TMOD1: variants seen among roughly 807,000 people sequenced by gnomAD.
The protein encoded by TMOD1 is tropomodulin 1, also known as tropomodulin-1.
In TMOD1, 17 loss-of-function variants were observed where a neutral mutation model predicts 40.6. The ratio of observed to expected loss-of-function variants is 0.42; its 90% CI spans 0.29 to 0.63. TMOD1 has a LOEUF of 0.63. Ranked by LOEUF, TMOD1 falls within the 20% of genes least tolerant of loss-of-function variation. The pLI, the probability that TMOD1 is intolerant of heterozygous loss-of-function variation, is 0.22. For synonymous variants in TMOD1, 181 were observed against 175.0 expected, an observed-to-expected ratio of 1.03 and a Z score of -0.27; for missense variants, 391 against 447.6, an observed-to-expected ratio of 0.87 and a Z score of 1.14.
At chr9:97,548,899 C>T (rs530574334) in intron 3 of TMOD1, among the ~76,000 whole-genome samples, 1 of 152,288 alleles carries the variant, frequency 6.6e-6, no homozygotes, top group South Asian at 2.1e-4. Context: ...GGAGACCCTC[C>T]AGCTCTGACT....
At chr9:97,518,123 T>C (rs1829848052) in intron 1 of TMOD1, among the ~76,000 whole-genome samples, 1 of 152,224 alleles carries the variant, frequency 6.6e-6, no homozygotes, top group South Asian at 2.1e-4. Flanking sequence ...CAGTTCCATG[T>C]TATTATGGGT....
intron 5 of TMOD1, among the ~76,000 whole-genome samples, 190 bp downstream of exon 5, chr9:97,563,011 T>C (rs1207192227): frequency 2.0e-5 from 3 of 152,374 alleles, no homozygotes; most frequent in African/African-American, 7.2e-5. Flanking sequence ...AGAAATGTTC[T>C]CCTATATTTT....
intron 4 of TMOD1, among the ~76,000 whole-genome samples, chr9:97,559,943 G>A (rs561955874): frequency 6.0e-5 from 9 of 150,304 alleles, no homozygotes; most frequent in African/African-American, 2.0e-4. Context: ...AGCCTTGACC[G>A]AGAGCCACTG....
chr9:97,519,287 G>A (rs998075419), intron 1 of TMOD1, among the ~76,000 whole-genome samples: 9 of 152,140 alleles, frequency 5.9e-5, no homozygotes, highest in Admixed American at 1.3e-4. Context: ...CCAACCTGCC[G>A]AGTGCTACTT....
At chr9:97,599,371 C>T (rs570489310) in intron 9 of TMOD1, among the ~76,000 whole-genome samples, 1 of 152,186 alleles carries the variant, frequency 6.6e-6, no homozygotes, top group East Asian at 1.9e-4. Flanking sequence ...AGAAAATAGC[C>T]GACTTATAAC....
At chr9:97,524,497 G>GGTGTGTGTGTGT (rs71369515) in intron 2 of TMOD1, among the ~76,000 whole-genome samples, 189 bp downstream of exon 2, 2,598 of 142,954 alleles carry the variant, frequency 0.018, 110 homozygotes, top group African/African-American at 0.061. Context: ...GAACCAATAG[G>GGTGTGTGTGTGT]GTGTGTGTGT....
At chr9:97,549,197 T>C (rs73550733) in intron 3 of TMOD1, among the ~76,000 whole-genome samples, 1,814 of 152,308 alleles carry the variant, frequency 0.012, 46 homozygotes, top group African/African-American at 0.041. Context: ...ATCGAGGAAT[T>C]TAATTTTCTT....
At chr9:97,544,754 T>A (rs561563494) in intron 2 of TMOD1, among the ~76,000 whole-genome samples, 1 of 152,126 alleles carries the variant, frequency 6.6e-6, no homozygotes, top group Admixed American at 6.5e-5. Flanking sequence ...GGAACGGTAA[T>A]CCCAGCACTT....
chr9:97,593,277 G>A (rs2131294009), intron 9 of TMOD1, among the ~76,000 whole-genome samples: 1 of 152,276 alleles, frequency 6.6e-6, no homozygotes, highest in South Asian at 2.1e-4. Flanking sequence ...TCATCTAGGA[G>A]TTGGACAAAA....
At position 97,601,400 on chromosome 9, in the gene TMOD1, G is replaced by A. The variant is rs1020382599; in HGVS notation, c.*1702G>A. 2.9e-6 allele frequency: 3 copies of A among 1,039,968 alleles called. No homozygotes were observed. Among genetic ancestry groups the A allele is most frequent in the Non-Finnish European group, 3.5e-6 (3 of 861,172 alleles). The allele number at this position is 1,039,968 out of a possible 1,614,324, so 64.4% of individuals were successfully genotyped here. On this transcript the variant is annotated 3_prime_UTR_variant, in exon 10 of 10. Transcript: ENST00000259365. ...TCCAGGTGCTGATCTAAAAACTGTG[G>A]CTCAAATGTCACCGAGCTTATATGA...
chr9:97,549,003 C>T (rs1334914803), intron 3 of TMOD1, among the ~76,000 whole-genome samples: 2 of 152,140 alleles, frequency 1.3e-5, no homozygotes, highest in African/African-American at 2.4e-5. Flanking sequence ...CAGCACCCCA[C>T]ACCGCAAGAC....
Position 97,564,054 on chromosome 9 carries a change from A to G in TMOD1, c.504A>G (p.Thr168=), listed in dbSNP as rs1399329786. ...KEGLNSVIKP[T]QYKPVPDEEP... is the part of the protein sequence containing the mutation. The stretch of plus-strand genomic sequence containing the variant: ...TCACTCTAGGCGTGATTAAACCCAC[A>G]CAATACAAGCCTGTGCCCGACGAAG... The change falls in exon 6 of 10, where the codon ACA becomes ACG. Residue 168 remains threonine (T), a synonymous_variant. Coordinates refer to ENST00000259365, the MANE Select transcript of TMOD1 (RefSeq NM_003275.4). 1.2e-6 allele frequency: 2 copies of G among 1,614,130 alleles called. No individual in the cohort carries two copies. Among genetic ancestry groups the G allele is most frequent in the Admixed American group, 1.7e-5 (1 of 59,990 alleles).
At chr9:97,579,482 A>T (rs937457755) in intron 8 of TMOD1, among the ~76,000 whole-genome samples, 1 of 152,090 alleles carries the variant, frequency 6.6e-6, no homozygotes, top group Non-Finnish European at 1.5e-5. Context: ...AGTTTTCTCT[A>T]TGTTGCCTGC....
Position 97,581,821 on chromosome 9 carries a change from C to T in TMOD1, c.871-9470C>T, listed in dbSNP as rs370121163. 3.3e-3 allele frequency among the ~76,000 whole-genome samples: 507 copies of T among 151,740 alleles called. 2 individuals carry two copies. Among genetic ancestry groups the T allele is most frequent in the African/African-American group, 8.0e-3 (332 of 41,328 alleles). Reference sequence around the variant, plus strand: ...TTGAGAAGTGTCTGTTCATGTCCTTCGCCCACTTTTTGATGGGGTTGTTTG... The same window carrying T: ...TTGAGAAGTGTCTGTTCATGTCCTTTGCCCACTTTTTGATGGGGTTGTTTG... On this transcript the variant is annotated intron_variant, in intron 8 of 9. Coordinates refer to ENST00000259365, the MANE Select transcript of TMOD1 (RefSeq NM_003275.4).
chr9:97,509,272 A>G (rs1829653891), intron 1 of TMOD1, among the ~76,000 whole-genome samples: 1 of 152,182 alleles, frequency 6.6e-6, no homozygotes, highest in Non-Finnish European at 1.5e-5. Flanking sequence ...CTGCTTCACA[A>G]TTATTAAGAC....
chr9:97,595,885 C>T (rs949352815), intron 9 of TMOD1, among the ~76,000 whole-genome samples: 10 of 151,764 alleles, frequency 6.6e-5, no homozygotes, highest in Non-Finnish European at 1.0e-4. Flanking sequence ...CCAGCCTGGC[C>T]AACATGGTGA....
rs1017405168 is a variant in TMOD1 at position 97,600,679 on chromosome 9, G to A, written c.*981G>A. The A allele has an allele frequency of 1.0e-5, 10 of 996,062 alleles. No homozygotes were observed. Among genetic ancestry groups the A allele is most frequent in the Non-Finnish European group, 1.1e-5 (9 of 836,586 alleles). The allele number at this position is 996,062 out of a possible 1,614,324, so 61.7% of individuals were successfully genotyped here. ...TTAGACAAATTGCTGCTGACCTTAC[G>A]CCTGTATATTAAGCCTCCGCAGGAT... On this transcript the variant is annotated 3_prime_UTR_variant, in exon 10 of 10. Transcript: ENST00000259365.
chr9:97,583,884 TTCTC>T (rs1198697189), intron 8 of TMOD1, among the ~76,000 whole-genome samples: 51 of 150,580 alleles, frequency 3.4e-4, no homozygotes, highest in African/African-American at 1.1e-3. Flanking sequence ...TATTTGATTC[TTCTC>T]TCTTTTTTTC....
chr9:97,555,684 T>C, intron 4 of TMOD1: 1 of 1,551,176 alleles, frequency 6.4e-7, no homozygotes, highest in Middle Eastern at 1.7e-4. Context: ...TGAACACTTT[T>C]GACCACCTAC....
Sources: gnomAD v4.1 joint callset for allele counts (sites outside exome capture counted in the v4.1 genomes callset) on GRCh38, gnomAD v4.1.1 for gene constraint, MANE v1.5 for transcripts, NCBI Gene and HGNC (gene_info 2026-07-23, HGNC 2026-07-21) for gene names.